Variants in TEK observed in about 807,000 individuals in gnomAD.
TEK encodes the protein TEK receptor tyrosine kinase, also known as angiopoietin-1 receptor.
TEK carries 43 observed loss-of-function variants against 131.8 expected under a neutral mutation model. The ratio of observed to expected loss-of-function variants is 0.33; its 90% CI spans 0.26 to 0.42. The LOEUF (loss-of-function observed/expected upper bound fraction) is 0.42, where lower values mean the gene tolerates loss of function less well. Among genes scored for constraint, TEK ranks in the 10% least tolerant of loss-of-function variants. The pLI is 1.00. For synonymous variants in TEK, 580 were observed against 491.6 expected (o/e 1.18, Z -2.38); for missense variants, 1,162 against 1,384.4 (o/e 0.84, Z 2.55).
intron 1 of TEK, among the ~76,000 whole-genome samples, chr9:27,144,854 G>A (rs34721658): frequency 5.9e-5 from 9 of 152,164 alleles, no homozygotes; most frequent in African/African-American, 4.8e-5. Context: ...TGTCCTGTTC[G>A]AGAGGGAAGA....
intron 21 of TEK, among the ~76,000 whole-genome samples, chr9:27,221,952 G>A (rs189568345): frequency 2.4e-4 from 36 of 152,252 alleles, no homozygotes; most frequent in Admixed American, 1.4e-3. Flanking sequence ...CAAGCTAAAC[G>A]AGCATGTTCT....
chr9:27,128,068 T>C (rs1481666707), intron 1 of TEK, among the ~76,000 whole-genome samples: 2 of 152,228 alleles, frequency 1.3e-5, no homozygotes, highest in Non-Finnish European at 2.9e-5. Flanking sequence ...ATGTCCTGAA[T>C]GGTATTGCCT....
At chr9:27,162,284 G>A (rs775322688) in intron 2 of TEK, among the ~76,000 whole-genome samples, 5 of 152,180 alleles carry the variant, frequency 3.3e-5, no homozygotes, top group Non-Finnish European at 7.3e-5. Flanking sequence ...CTGCTGACTC[G>A]TACATCTGTG....
chr9:27,186,818 C>G (rs933135202), intron 9 of TEK, among the ~76,000 whole-genome samples: 1 of 152,140 alleles, frequency 6.6e-6, no homozygotes, highest in Non-Finnish European at 1.5e-5. Flanking sequence ...TGTAAATACT[C>G]AGAACATAAT....
Position 27,185,253 on chromosome 9 carries a change from C to T in TEK, c.1183-232C>T, listed in dbSNP as rs2273723. Among the ~76,000 whole-genome samples the T allele has an allele frequency of 0.078, 11,860 of 152,082 alleles. 586 individuals are homozygous for T. The highest frequency in any genetic ancestry group is 0.11 in the South Asian group (537 of 4,812). On this transcript the variant is annotated intron_variant, in intron 8 of 22. Transcript: ENST00000380036. ...TGCTTGTAAGTGTTTACCCCGTACTCCTAAACACACAAATACAACAGCAGG... is the reference window on the plus strand; with the variant it reads ...TGCTTGTAAGTGTTTACCCCGTACTTCTAAACACACAAATACAACAGCAGG...
chr9:27,146,440 C>T (rs921247450), intron 1 of TEK, among the ~76,000 whole-genome samples: 1 of 152,142 alleles, frequency 6.6e-6, no homozygotes, highest in Non-Finnish European at 1.5e-5. Context: ...TCAGATTTCT[C>T]CCAGCCCTAA....
chr9:27,180,312 G>C lies in TEK; in HGVS notation c.974G>C (p.Arg325Pro). The part of the protein sequence containing the change: ...CSCNNGEMCD[R>P]FQGCLCSPGW... ...TGCAACAATGGGGAGATGTGTGATC[G>C]CTTCCAAGGATGTCTCTGCTCTCCA... Residue 325 changes from arginine to proline, a missense_variant, in exon 7 of 23, where the codon CGC becomes CCC. Coordinates refer to ENST00000380036, the MANE Select transcript of TEK (RefSeq NM_000459.5). 1.9e-6 allele frequency: 3 copies of C among 1,613,748 alleles called. No homozygotes were observed. The highest frequency in any genetic ancestry group is 2.5e-6 in the Non-Finnish European group (3 of 1,179,842).
At chr9:27,169,774 C>A in intron 4 of TEK, 145 bp downstream of exon 4, 1 of 1,148,744 alleles carries the variant, frequency 8.7e-7, no homozygotes, top group Admixed American at 2.0e-5. Flanking sequence ...TCTTATGCTG[C>A]AAAGCAAATG....
At position 27,205,441 on chromosome 9, in the gene TEK, T is replaced by C. The variant is rs115158959; in HGVS notation, c.2364+376T>C. Among the ~76,000 whole-genome samples, 886 of 152,314 alleles carry C rather than the reference T, an allele frequency of 5.8e-3. 9 individuals carry two copies. The highest frequency in any genetic ancestry group is 0.02 in the African/African-American group (820 of 41,564). ...AGAGGGTAACCAGACCTCAGTGAGA[T>C]AGGTAATGACGTAATATATTAGACA... On this transcript the variant is annotated intron_variant, in intron 14 of 22. Transcript: ENST00000380036.
rs1826074661 is a variant in TEK, at chr9:27,221,442, C to T, written c.3200+1297C>T. Among the ~76,000 whole-genome samples the T allele has an allele frequency of 2.0e-5, 3 of 151,442 alleles. No homozygotes were observed. In the South Asian group the frequency reaches 6.3e-4, roughly 32 times the overall value. On this transcript the variant is annotated intron_variant, in intron 21 of 22. Transcript: ENST00000380036. ...TCTGCTAAGGGACAGACTGCCTCCT[C>T]ATGTGGGTCCCTGACCCGACCCCTG...
At chr9:27,115,755 AG>A (rs1587471878) in intron 1 of TEK, among the ~76,000 whole-genome samples, 1 of 152,320 alleles carries the variant, frequency 6.6e-6, no homozygotes, top group African/African-American at 2.4e-5. Flanking sequence ...AAGGACATAG[AG>A]GGAGCAACCT....
intron 1 of TEK, among the ~76,000 whole-genome samples, chr9:27,138,074 C>T (rs997141068): frequency 4.6e-5 from 7 of 152,196 alleles, no homozygotes; most frequent in South Asian, 2.1e-4. Context: ...TTGTTCCTTC[C>T]GGTGGGTTCG....
intron 6 of TEK, 125 bp downstream of exon 6, chr9:27,173,487 G>A: frequency 8.4e-7 from 1 of 1,193,104 alleles, no homozygotes; most frequent in East Asian, 2.4e-5. Flanking sequence ...TGGACAACAG[G>A]ATTTTGAATC....
intron 7 of TEK, among the ~76,000 whole-genome samples, chr9:27,182,314 A>C (rs1378502636): frequency 6.6e-6 from 1 of 152,174 alleles, no homozygotes; most frequent in African/African-American, 2.4e-5. Context: ...CAGCTTCAGA[A>C]AATACAAGGG....
chr9:27,193,689 A>G (rs943470025), intron 11 of TEK, among the ~76,000 whole-genome samples: 3 of 152,076 alleles, frequency 2.0e-5, no homozygotes, highest in Non-Finnish European at 4.4e-5. Flanking sequence ...TATATATTTG[A>G]TTTATATCAC....
chr9:27,229,174 C>A lies in TEK; in HGVS notation c.3317C>A (p.Thr1106Lys). Residue 1106 changes from threonine to lysine, a missense_variant, in exon 23 of 23, where the codon ACG becomes AAG. Around this residue, in one of 6 missense-constraint regions of TEK, gnomAD observed 84 missense variants for 80.3 expected, o/e 1.05. Coordinates refer to ENST00000380036, the MANE Select transcript of TEK (RefSeq NM_000459.5). Reference protein sequence around the residue: ...LEERKTYVNTTLYEKFTYAGI... With the variant: ...LEERKTYVNTKLYEKFTYAGI... ...TTCTTCCAGACCTACGTGAATACCA[C>A]GCTTTATGAGAAGTTTACTTATGCA... 6.2e-7 allele frequency: 1 copy of A among 1,613,788 alleles called. No homozygotes were observed. The highest frequency in any genetic ancestry group is 8.5e-7 in the Non-Finnish European group (1 of 1,179,710).
intron 1 of TEK, among the ~76,000 whole-genome samples, chr9:27,148,799 T>A (rs7857922): frequency 0.011 from 1,732 of 152,348 alleles, 45 homozygotes; most frequent in African/African-American, 0.04. Flanking sequence ...TGAAATTTCT[T>A]TATATGTTAT....
At chr9:27,197,276 G>A in intron 11 of TEK, 39 bp from the exon 12 acceptor site, 1 of 1,603,336 alleles carries the variant, frequency 6.2e-7, no homozygotes. Flanking sequence ...AACTATATCA[G>A]CCATATATAA....
intron 1 of TEK, among the ~76,000 whole-genome samples, chr9:27,146,714 C>T (rs1323132174): frequency 1.4e-5 from 2 of 143,600 alleles, no homozygotes; most frequent in Admixed American, 1.4e-4. Flanking sequence ...CTGCTATAAA[C>T]ATTCTATTTT....
Sources: allele counts gnomAD v4.1 joint callset (sites outside exome capture counted in the v4.1 genomes callset), GRCh38; gene constraint gnomAD v4.1.1; regional missense constraint gnomAD v4.1.1; transcripts MANE v1.5; gene names NCBI Gene and HGNC (gene_info 2026-07-23, HGNC 2026-07-21).